TTC27: variants seen among roughly 807,000 people sequenced by gnomAD.
The protein encoded by TTC27 is tetratricopeptide repeat domain 27, also known as tetratricopeptide repeat protein 27.
Under a neutral mutation model 115.9 loss-of-function variants are expected in TTC27, and 79 were observed. The observed-to-expected ratio is 0.68, with a 90% confidence interval of 0.57 to 0.82. TTC27 has a LOEUF of 0.82. Ranked by LOEUF, TTC27 falls within the 40% of genes least tolerant of loss-of-function variation. The pLI is 0.00. For missense variants in TTC27, 1,054 were observed against 993.1 expected (o/e 1.06, Z -0.82); for synonymous variants, 401 against 356.0 (o/e 1.13, Z -1.42).
intron 9 of TTC27, among the ~76,000 whole-genome samples, chr2:32,684,809 A>G (rs1365880375): frequency 6.6e-6 from 1 of 151,822 alleles, no homozygotes; most frequent in Non-Finnish European, 1.5e-5. Flanking sequence ...CTCACAGTAT[A>G]GAGGAACAAG....
At chr2:32,680,320 T>C (rs1228054413) in intron 9 of TTC27, among the ~76,000 whole-genome samples, 1 of 152,226 alleles carries the variant, frequency 6.6e-6, no homozygotes, top group East Asian at 1.9e-4. Context: ...TCAGCTAATA[T>C]ATATCTACTA....
intron 7 of TTC27, among the ~76,000 whole-genome samples, chr2:32,670,201 T>G (rs1029178689): frequency 6.6e-6 from 1 of 152,106 alleles, no homozygotes; most frequent in Non-Finnish European, 1.5e-5. Flanking sequence ...ATTTGGCTCC[T>G]AAAGTCCTCT....
chr2:32,785,285 T>C (rs529168572), intron 15 of TTC27, among the ~76,000 whole-genome samples: 36 of 152,350 alleles, frequency 2.4e-4, no homozygotes, highest in Admixed American at 2.2e-3. Context: ...TCTTTACTTA[T>C]AATGCTCAGT....
At chr2:32,751,259 CA>C in intron 12 of TTC27, among the ~76,000 whole-genome samples, 1 of 3,330 alleles carries the variant, frequency 3.0e-4, no homozygotes, top group Admixed American at 9.1e-3. Flanking sequence ...TAGGTTAAAC[CA>C]CACACACACA....
At chr2:32,659,587 G>A (rs1397947554) in intron 5 of TTC27, among the ~76,000 whole-genome samples, 1 of 150,278 alleles carries the variant, frequency 6.7e-6, no homozygotes, top group African/African-American at 2.4e-5. Flanking sequence ...TGCAGAACGT[G>A]CAGGTTTGTT....
chr2:32,748,689 CTT>C (rs36003831), intron 12 of TTC27, among the ~76,000 whole-genome samples: 24 of 133,272 alleles, frequency 1.8e-4, no homozygotes, highest in Admixed American at 6.1e-4. Context: ...TCTAACAATT[CTT>C]TTTTTTTTTT....
At chr2:32,793,711 C>T (rs1260422553) in intron 16 of TTC27, among the ~76,000 whole-genome samples, 3 of 152,034 alleles carry the variant, frequency 2.0e-5, no homozygotes, top group Non-Finnish European at 2.9e-5. Flanking sequence ...TTAGTAGAGA[C>T]GGGGTTTCAC....
intron 4 of TTC27, among the ~76,000 whole-genome samples, chr2:32,642,347 G>A (rs1052966461): frequency 6.3e-5 from 9 of 141,800 alleles, no homozygotes; most frequent in Non-Finnish European, 1.4e-4. Context: ...CACCTCACAG[G>A]TTCAAGCGAT....
At chr2:32,682,668 C>CTTTT (rs3077159) in intron 9 of TTC27, among the ~76,000 whole-genome samples, 4 of 127,532 alleles carry the variant, frequency 3.1e-5, no homozygotes, top group Non-Finnish European at 4.8e-5. Context: ...TAATAGAAGT[C>CTTTT]TTTTTTTTTT....
intron 19 of TTC27, among the ~76,000 whole-genome samples, chr2:32,820,331 A>C (rs776150141): frequency 2.0e-5 from 3 of 152,212 alleles, no homozygotes; most frequent in Non-Finnish European, 4.4e-5. Flanking sequence ...TTTCAGGGAG[A>C]GGACACAGTT....
intron 18 of TTC27, among the ~76,000 whole-genome samples, chr2:32,815,398 C>T (rs1186500406): frequency 5.3e-5 from 8 of 151,478 alleles, no homozygotes; most frequent in African/African-American, 7.3e-5. Flanking sequence ...CCACCACGCC[C>T]GGCTAATTTT....
chr2:32,666,918 T>C (rs1665799662), intron 7 of TTC27, 150 bp downstream of exon 7: 2 of 966,590 alleles, frequency 2.1e-6, no homozygotes, highest in Non-Finnish European at 2.9e-6. Context: ...CAGGGAGAAC[T>C]GGTGTTTAAC....
chr2:32,728,441 AC>A (rs138277173), intron 10 of TTC27, among the ~76,000 whole-genome samples: 7,524 of 151,902 alleles, frequency 0.05, 231 homozygotes, highest in East Asian at 0.099. Context: ...ACCAACCCAT[AC>A]CCTAAAGTCT....
chr2:32,817,529 A>T lies in TTC27; in HGVS notation c.2381A>T (p.Asn794Ile). The T allele has an allele frequency of 6.2e-7, 1 of 1,614,024 alleles. No individual in the cohort carries two copies. Among genetic ancestry groups the T allele is most frequent in the East Asian group, 2.2e-5 (1 of 44,848 alleles). ...AVQMLSSVRL[N>I]LRGLLSKAKQ... ...CAAATGCTTTCTTCTGTTCGACTCA[A>T]TTTACGGGGCTTGTTATCTAAAGCA... is the stretch of plus-strand genomic sequence containing the variant. The change falls in exon 19 of 20, where the codon AAT becomes ATT. Residue 794 changes from asparagine to isoleucine, a missense_variant. By Grantham distance (149) the Asn-to-Ile change is moderately radical. Transcript: ENST00000317907.
rs1170650602 is a variant in TTC27 at position 32,777,810 on chromosome 2, T to G, written c.1681-72T>G. On this transcript the variant is annotated intron_variant, in intron 13 of 19. Coordinates refer to ENST00000317907, the MANE Select transcript of TTC27 (RefSeq NM_017735.5). ...TAGGAGTGTGTTTGTTGATAGCATC[T>G]TAATAATTTTCAGATTACATTCTGT... 3.5e-6 allele frequency: 5 copies of G among 1,437,006 alleles called. No individual in the cohort carries two copies. In the African/African-American group the frequency reaches 7.0e-5, roughly 20 times the overall value. The allele number at this position is 1,437,006 out of a possible 1,614,324, so 89.0% of individuals were successfully genotyped here.
At chr2:32,729,655 G>A (rs1426295219) in intron 10 of TTC27, among the ~76,000 whole-genome samples, 1 of 152,032 alleles carries the variant, frequency 6.6e-6, no homozygotes, top group African/African-American at 2.4e-5. Context: ...GTCACCTCTG[G>A]TATATCCAGC....
chr2:32,666,933 GT>G (rs200400515), intron 7 of TTC27, among the ~76,000 whole-genome samples, 165 bp downstream of exon 7: 41 of 148,244 alleles, frequency 2.8e-4, no homozygotes, highest in African/African-American at 9.7e-4. Flanking sequence ...TTTAACTGGT[GT>G]TTTTTTTTCC....
At chr2:32,785,508 G>A (rs111753735) in intron 15 of TTC27, among the ~76,000 whole-genome samples, 8 of 152,032 alleles carry the variant, frequency 5.3e-5, no homozygotes, top group Non-Finnish European at 1.0e-4. Context: ...TTCGAATTCT[G>A]TGTGAACTCC....
At chr2:32,712,758 G>A (rs1348986173) in intron 10 of TTC27, among the ~76,000 whole-genome samples, 2 of 152,042 alleles carry the variant, frequency 1.3e-5, no homozygotes, top group East Asian at 3.9e-4. Flanking sequence ...CATTACCCGG[G>A]CTGGTCTTGA....
Sources: gnomAD v4.1 joint callset for allele counts (sites outside exome capture counted in the v4.1 genomes callset) on GRCh38, gnomAD v4.1.1 for gene constraint, MANE v1.5 for transcripts, NCBI Gene and HGNC (gene_info 2026-07-23, HGNC 2026-07-21) for gene names.